The following CACNA1F variants were observed in gnomAD, a reference collection of about 807,000 sequenced individuals.
CACNA1F encodes the protein calcium voltage-gated channel subunit alpha1 F.
In CACNA1F, 59 loss-of-function variants were observed where a neutral mutation model predicts 143.8. The ratio of observed to expected loss-of-function variants is 0.41; its 90% CI spans 0.33 to 0.51. The LOEUF (loss-of-function observed/expected upper bound fraction) is 0.51, where lower values mean the gene tolerates loss of function less well. Among genes scored for constraint, CACNA1F ranks in the 20% least tolerant of loss-of-function variants. The probability of loss-of-function intolerance (pLI) is 0.22; values close to 1 mark genes in which losing one functional copy is unlikely to be tolerated. For missense variants in CACNA1F, 1,411 were observed against 1,647.5 expected, an observed-to-expected ratio of 0.86 and a Z score of 2.48; for synonymous variants, 643 against 649.1, an observed-to-expected ratio of 0.99 and a Z score of 0.14.
Position 49,215,136 on chromosome X carries a change from A to T in CACNA1F, c.3547T>A (p.Tyr1183Asn). ...WATVNSAAFEYLMFLLILLNT... is the reference protein window; with the variant it reads ...WATVNSAAFENLMFLLILLNT... The stretch of plus-strand genomic sequence containing the variant: ...AGCAGGATGAGCAGGAACATCAGGT[A>T]CTCAAAGGCAGCAGAGTTCACAGTG... Residue 1183 changes from tyrosine to asparagine, a missense_variant, in exon 29 of 48, where the codon TAC becomes AAC. By Grantham distance (143) the Tyr-to-Asn change is moderately radical. This residue lies in a region of CACNA1F where 950 missense variants were observed against 1,128.1 expected (regional missense o/e 0.84). Transcript: ENST00000323022. 1 of 1,210,164 alleles carries T rather than the reference A, an allele frequency of 8.3e-7. No individual in the cohort carries two copies. Among genetic ancestry groups the T allele is most frequent in the Non-Finnish European group, 1.1e-6 (1 of 894,265 alleles).
Position 49,226,432 on chromosome X carries a change from A to G in CACNA1F, c.1440T>C (p.Ala480=). The G allele has an allele frequency of 8.4e-7, 1 of 1,187,411 alleles. No homozygotes were observed. Among genetic ancestry groups the G allele is most frequent in the Non-Finnish European group, 1.1e-6 (1 of 882,825 alleles). ...ACAGGCAGCGTGTACAGCTGGCCAGAGCCCCCTCCTCCTCATCCTCATCGC... is the reference window on the plus strand; with the variant it reads ...ACAGGCAGCGTGTACAGCTGGCCAGGGCCCCCTCCTCCTCATCCTCATCGC... ...TQGDEDEEEG[A]LASCTRCLNK... is the part of the protein sequence containing the mutation. Residue 480 remains alanine, a synonymous_variant, in exon 11 of 48, where the codon GCT becomes GCC. Coordinates refer to ENST00000323022, the MANE Select transcript of CACNA1F (RefSeq NM_001256789.3).
chrX:49,224,589 G>T (rs1043127639), intron 14 of CACNA1F, among the ~76,000 whole-genome samples, 172 bp downstream of exon 14: 1 of 111,743 alleles, frequency 8.9e-6, no homozygotes, highest in African/African-American at 3.3e-5. Context: ...ACTTGTGTCT[G>T]CTTTGATTCC....
intron 35 of CACNA1F, 128 bp from the exon 36 acceptor site, chrX:49,211,609 T>A: frequency 3.4e-6 from 2 of 588,360 alleles, no homozygotes; most frequent in South Asian, 2.6e-5. Context: ...CTGGCACAGA[T>A]AACATTTCAA....
rs782318018 is a variant in CACNA1F at position 49,225,501 on chromosome X, C to A, written c.1651+408G>T. On this transcript the variant is annotated intron_variant, in intron 13 of 47. Coordinates refer to ENST00000323022, the MANE Select transcript of CACNA1F (RefSeq NM_001256789.3). Reference sequence around the variant, plus strand: ...ATCTCCATTTTGTAGATGTGGAGAACTTTTCCAGACAGTGTGATGATAAGA... The same window carrying A: ...ATCTCCATTTTGTAGATGTGGAGAAATTTTCCAGACAGTGTGATGATAAGA... Among the ~76,000 whole-genome samples, 9 of 111,125 alleles carry A rather than the reference C, an allele frequency of 8.1e-5. No homozygotes were observed. The East Asian group carries it at 2.5e-3, about 31-fold the overall frequency.
intron 5 of CACNA1F, 46 bp downstream of exon 5, chrX:49,230,421 C>T (rs1036873008): frequency 4.6e-5 from 56 of 1,204,513 alleles, no homozygotes; most frequent in Non-Finnish European, 5.6e-5. Flanking sequence ...TCAGCTCAGC[C>T]CCACCCCCAC....
Position 49,224,927 on chromosome X carries a change from C to T in CACNA1F, c.1711G>A (p.Gly571Ser), listed in dbSNP as rs1198536265. ...FTVEMLLKLY[G>S]LGPSAYVSSF... ...GACACATAGGCAGAGGGGCCCAGAC[C>T]GTACAATTTGAGAAGCATCTCCACC... The change falls in exon 14 of 48, where the codon GGT becomes AGT. Residue 571 changes from glycine to serine, a missense_variant. This residue lies in a region of CACNA1F where 950 missense variants were observed against 1,128.1 expected (regional missense o/e 0.84). Transcript: ENST00000323022. The T allele has an allele frequency of 2.0e-5, 24 of 1,206,428 alleles. No homozygotes were observed. Among genetic ancestry groups the T allele is most frequent in the South Asian group, 7.1e-5 (4 of 56,431 alleles).
At chrX:49,215,311 C>T in intron 28 of CACNA1F, 31 bp downstream of exon 28, 1 of 1,206,108 alleles carries the variant, frequency 8.3e-7, no homozygotes, top group Non-Finnish European at 1.1e-6. Flanking sequence ...GGTTGGTGAC[C>T]ATCCATAGGG....
Position 49,230,377 on chromosome X carries a change from G to A in CACNA1F, c.665-5C>T, listed in dbSNP as rs782006123. On this transcript the variant is annotated splice_region_variant and splice_polypyrimidine_tract_variant and intron_variant, in intron 5 of 47. Transcript: ENST00000323022. ...AATTGAGCACTATGTGCAGGCCTGCGGGGAGGGAGGGGGAGGCAGAAATAA... is the reference window on the plus strand; with the variant it reads ...AATTGAGCACTATGTGCAGGCCTGCAGGGAGGGAGGGGGAGGCAGAAATAA... 4.1e-6 allele frequency: 5 copies of A among 1,207,276 alleles called. No individual in the cohort carries two copies. Among genetic ancestry groups the A allele is most frequent in the African/African-American group, 3.5e-5 (2 of 57,154 alleles).
intron 26 of CACNA1F, among the ~76,000 whole-genome samples, chrX:49,217,367 C>T (rs996249088): frequency 8.9e-6 from 1 of 112,765 alleles, no homozygotes; most frequent in African/African-American, 3.2e-5. Context: ...TGTTTAGCCC[C>T]GTTTTTCAGT....
chrX:49,226,915 G>A (rs1557110129), intron 9 of CACNA1F, 55 bp downstream of exon 9: 2 of 1,205,853 alleles, frequency 1.7e-6, no homozygotes, highest in South Asian at 3.5e-5. Flanking sequence ...TGCAGGGAAT[G>A]GGCCAGATTG....
At position 49,231,903 on chromosome X, in the gene CACNA1F, G is replaced by A; in HGVS notation, c.50C>T (p.Ala17Val). 8.5e-7 allele frequency: 1 copy of A among 1,177,886 alleles called. No individual in the cohort carries two copies. The highest frequency in any genetic ancestry group is 3.1e-5 in the East Asian group (1 of 32,060). ...TTCGGGACCAGGGCCTGCCCCATTG[G>A]CTGGACTGGGCTCTGGGGTGGTGTC... The part of the protein sequence containing the change: ...GKDTTPEPSP[A>V]NGAGPGPEWG... The change falls in exon 2 of 48, where the codon GCC (alanine) becomes GTC (valine). Residue 17 changes from alanine to valine, a missense_variant. Physicochemically the swap from Ala to Val is moderately conservative, Grantham distance 64. This residue lies in a region of CACNA1F where 950 missense variants were observed against 1,128.1 expected (regional missense o/e 0.84). Coordinates refer to ENST00000323022, the MANE Select transcript of CACNA1F (RefSeq NM_001256789.3).
rs149878611 is a variant in CACNA1F, at chrX:49,208,664, G to A, written c.4974C>T (p.Pro1658=). 1 of 1,211,303 alleles carries A rather than the reference G, an allele frequency of 8.3e-7. No individual in the cohort carries two copies. The highest frequency in any genetic ancestry group is 1.1e-6 in the Non-Finnish European group (1 of 895,298). ...ETNKATMVSQ[P]SARRGSGISV... is the part of the protein sequence containing the mutation. Reference sequence around the variant, plus strand: ...AAATCCCGGAGCCCCGGCGAGCTGAGGGCTGGGAGACCATCGTGGCCTGTG... The same window carrying A: ...AAATCCCGGAGCCCCGGCGAGCTGAAGGCTGGGAGACCATCGTGGCCTGTG... The change falls in exon 43 of 48, where the codon CCC becomes CCT. Residue 1658 remains proline, a synonymous_variant. Coordinates refer to ENST00000323022, the MANE Select transcript of CACNA1F (RefSeq NM_001256789.3).
chrX:49,215,396 A>G lies in CACNA1F; in HGVS notation c.3384T>C (p.Thr1128=), dbSNP rs782029077. The G allele has an allele frequency of 4.1e-6, 5 of 1,208,522 alleles. No individual in the cohort carries two copies. Among genetic ancestry groups the G allele is most frequent in the Non-Finnish European group, 5.6e-6 (5 of 894,611 alleles). The change falls in exon 28 of 48, where the codon ACT becomes ACC. Residue 1128 remains threonine, a synonymous_variant. Transcript: ENST00000323022. The part of the protein sequence containing the change: ...MNIFVGFVII[T]FRAQGEQEYQ... Reference sequence around the variant, plus strand: ...ACTCCTGCTCGCCCTGGGCACGGAAAGTGATGATGACGAAGCCCACGAAGA... The same window carrying G: ...ACTCCTGCTCGCCCTGGGCACGGAAGGTGATGATGACGAAGCCCACGAAGA...
rs191599997 is a variant in CACNA1F at position 49,220,140 on chromosome X, C to T, written c.2386+333G>A. On this transcript the variant is annotated intron_variant, in intron 19 of 47. Coordinates refer to ENST00000323022, the MANE Select transcript of CACNA1F (RefSeq NM_001256789.3). ...TCCCCCAGGCTGGACTTCAGTGGTG[C>T]CATCATGGCTCACTGCAACCTTGAA... Among the ~76,000 whole-genome samples, 79 of 112,124 alleles carry T rather than the reference C, an allele frequency of 7.0e-4. No homozygotes were observed. In the Middle Eastern group the frequency reaches 0.014, roughly 19 times the overall value.
At position 49,211,897 on chromosome X, in the gene CACNA1F, C is replaced by T; in HGVS notation, c.4100+1G>A. ...GTGGCAGGGGAGTGAGTAGATGTCACCTGAACAGAAGCAGCACAGCCTGTG... is the reference window on the plus strand; with the variant it reads ...GTGGCAGGGGAGTGAGTAGATGTCATCTGAACAGAAGCAGCACAGCCTGTG... On this transcript the variant is annotated splice_donor_variant, in intron 35 of 47. Coordinates refer to ENST00000323022, the MANE Select transcript of CACNA1F (RefSeq NM_001256789.3). LOFTEE classifies it high-confidence loss of function. 1 of 1,208,122 alleles carries T rather than the reference C, an allele frequency of 8.3e-7. No individual in the cohort carries two copies. The highest frequency in any genetic ancestry group is 1.1e-6 in the Non-Finnish European group (1 of 892,204).
rs2147904860 is a variant in CACNA1F, at chrX:49,216,473, G to A, written c.3145C>T (p.Arg1049Trp). Residue 1049 changes from arginine to tryptophan, a missense_variant, in exon 27 of 48, where the codon CGG (arginine) becomes TGG (tryptophan). By Grantham distance (101) the Arg-to-Trp change is moderately radical. This residue lies in a region of CACNA1F where 950 missense variants were observed against 1,128.1 expected (regional missense o/e 0.84). Coordinates refer to ENST00000323022, the MANE Select transcript of CACNA1F (RefSeq NM_001256789.3). Reference sequence around the variant, plus strand: ...TTGAAATCACTGTTGACCCAGAGCCGCTCCCGGACCAGGGGCCGTGACACG... The same window carrying A: ...TTGAAATCACTGTTGACCCAGAGCCACTCCCGGACCAGGGGCCGTGACACG... The part of the protein sequence containing the change: ...GDVSRPLVRE[R>W]LWVNSDFNFD... The A allele has an allele frequency of 1.7e-6, 2 of 1,206,043 alleles. No homozygotes were observed. The highest frequency in any genetic ancestry group is 2.2e-6 in the Non-Finnish European group (2 of 891,824).
Position 49,211,324 on chromosome X carries a change from G to C in CACNA1F, c.4258C>G (p.Leu1420Val), listed in dbSNP as rs1202353357. 8.3e-7 allele frequency: 1 copy of C among 1,209,444 alleles called. No individual in the cohort carries two copies. ...GGTTGTGAGGAAATGGTTCTCACCAGGAAGGCACAGAGCATGAAGAAGCTG... is the reference window on the plus strand; with the variant it reads ...GGTTGTGAGGAAATGGTTCTCACCACGAAGGCACAGAGCATGAAGAAGCTG... The part of the protein sequence containing the change: ...FISFFMLCAF[L>V]IINLFVAVIM... Residue 1420 changes from leucine (L) to valine (V), a missense_variant and splice_region_variant, in exon 36 of 48, where the codon CTG becomes GTG. By Grantham distance (32) the Leu-to-Val change is conservative. This residue lies in a region of CACNA1F where 112 missense variants were observed against 169.2 expected (regional missense o/e 0.66). Transcript: ENST00000323022.
chrX:49,221,844 G>T (rs5906757), intron 17 of CACNA1F, among the ~76,000 whole-genome samples: 2 of 107,323 alleles, frequency 1.9e-5, no homozygotes, highest in African/African-American at 6.7e-5. Context: ...TTAGCTGAGC[G>T]TGGTGGTGTA....
At chrX:49,208,417 C>CCCCCCCCCCCCCCCCAA in intron 43 of CACNA1F, 98 bp downstream of exon 43, 1 of 368,725 alleles carries the variant, frequency 2.7e-6, no homozygotes. Context: ...CTAGGCCCTC[C>CCCCCCCCCCCCCCCCAA]CTCCCACCCC....
Sources: allele counts gnomAD v4.1 joint callset (sites outside exome capture counted in the v4.1 genomes callset), GRCh38; gene constraint gnomAD v4.1.1; regional missense constraint gnomAD v4.1.1; transcripts MANE v1.5; gene names NCBI Gene and HGNC (gene_info 2026-07-23, HGNC 2026-07-21).